ZNF10: variants seen among roughly 807,000 people sequenced by gnomAD.
ZNF10 encodes the protein zinc finger protein 10 (KOX 1).
ZNF10 carries 8 observed loss-of-function variants against 12.2 expected under a neutral mutation model. The observed-to-expected ratio is 0.66, with a 90% confidence interval of 0.39 to 1.18. The LOEUF is 1.18. ZNF10 is among the 50% of genes most tolerant of loss of function. The pLI, the probability that ZNF10 is intolerant of heterozygous loss-of-function variation, is 0.01. For missense variants in ZNF10, 603 were observed against 678.9 expected (o/e 0.89, Z 1.24); for synonymous variants, 229 against 228.2 (o/e 1.00, Z -0.03).
intron 1 of ZNF10, among the ~76,000 whole-genome samples, chr12:133,131,481 TAAAA>T (rs892558810): frequency 6.9e-6 from 1 of 144,014 alleles, no homozygotes; most frequent in Admixed American, 7.0e-5. Flanking sequence ...TACTGTTAAT[TAAAA>T]AAAAAAAAGT....
At chr12:133,151,511 G>A (rs1956007275) in intron 3 of ZNF10, among the ~76,000 whole-genome samples, 1 of 152,076 alleles carries the variant, frequency 6.6e-6, no homozygotes, top group South Asian at 2.1e-4. Flanking sequence ...GGGCGTGGTG[G>A]CGTGCTCCTA....
In ZNF10 at chr12:133,151,134, A is replaced by G. The variant is rs1311412106; in HGVS notation, c.140A>G (p.Tyr47Cys). The change falls in exon 3 of 5, where the codon TAT (tyrosine) becomes TGT (cysteine). Residue 47 changes from tyrosine (Y) to cysteine (C), a missense_variant. By Grantham distance (194) the Tyr-to-Cys change is radical. Coordinates refer to ENST00000248211, the MANE Select transcript of ZNF10 (RefSeq NM_015394.5). ...TACAGAAATGTGATGCTGGAGAACT[A>G]TAAGAACCTGGTTTCCTTGGGTAAG... Reference protein sequence around the residue: ...IVYRNVMLENYKNLVSLGYQL... With the variant: ...IVYRNVMLENCKNLVSLGYQL... 1.9e-6 allele frequency: 3 copies of G among 1,613,266 alleles called. No homozygotes were observed. The highest frequency in any genetic ancestry group is 1.7e-6 in the Non-Finnish European group (2 of 1,179,398).
At chr12:133,143,127 A>C (rs986926153) in intron 1 of ZNF10, among the ~76,000 whole-genome samples, 1 of 152,200 alleles carries the variant, frequency 6.6e-6, no homozygotes, top group African/African-American at 2.4e-5. Flanking sequence ...TACATGACCT[A>C]AGTAGAACAG....
chr12:133,132,639 G>A (rs1335212720), intron 1 of ZNF10, among the ~76,000 whole-genome samples: 1 of 152,092 alleles, frequency 6.6e-6, no homozygotes, highest in Non-Finnish European at 1.5e-5. Flanking sequence ...GTCAGCCAGG[G>A]CTTTTAATTC....
In ZNF10 at chr12:133,144,470, G is replaced by GTATC. The variant is rs1955964246; in HGVS notation, c.-22_-19dup. On this transcript the variant is annotated 5_prime_UTR_variant, in exon 2 of 5. Transcript: ENST00000248211. ...CAGCACTCTGCTGTCACTCAAGGAA[G>GTATC]TATCATCAAGAACAAGGAGGGCATG... is the stretch of plus-strand genomic sequence containing the variant. 6.2e-7 allele frequency: 1 copy of GTATC among 1,613,424 alleles called. No homozygotes were observed. Among genetic ancestry groups the GTATC allele is most frequent in the African/African-American group, 1.3e-5 (1 of 75,016 alleles).
intron 1 of ZNF10, among the ~76,000 whole-genome samples, chr12:133,132,762 A>G (rs879821486): frequency 2.0e-5 from 3 of 152,114 alleles, no homozygotes; most frequent in Non-Finnish European, 2.9e-5. Context: ...TCCTCTTTCC[A>G]CACAATATCT....
chr12:133,134,375 A>G lies in ZNF10; in HGVS notation c.-60+3621A>G, dbSNP rs1955899265. 2.0e-5 allele frequency among the ~76,000 whole-genome samples: 3 copies of G among 152,234 alleles called. 1 individual carries two copies. In the South Asian group the frequency reaches 6.2e-4, roughly 32 times the overall value. On this transcript the variant is annotated intron_variant, in intron 1 of 4. Coordinates refer to ENST00000248211, the MANE Select transcript of ZNF10 (RefSeq NM_015394.5). ...ATCAGGGAAATATAACCATGAAAGA[A>G]AGGCACAGAGAAATGTATCATTGCT... is the stretch of plus-strand genomic sequence containing the variant.
chr12:133,156,068 C>T lies in ZNF10; in HGVS notation c.822C>T (p.Phe274=). 6.2e-7 allele frequency: 1 copy of T among 1,613,370 alleles called. No individual in the cohort carries two copies. The highest frequency in any genetic ancestry group is 8.5e-7 in the Non-Finnish European group (1 of 1,179,936). Residue 274 remains phenylalanine (F), a synonymous_variant, in exon 5 of 5, where the codon TTC becomes TTT. Coordinates refer to ENST00000248211, the MANE Select transcript of ZNF10 (RefSeq NM_015394.5). ...PYECKECGKF[F]SWRSNLTRHQ... Reference sequence around the variant, plus strand: ...AATGTAAGGAATGTGGAAAATTCTTCAGCTGGCGCTCTAATCTTACTAGGC... The same window carrying T: ...AATGTAAGGAATGTGGAAAATTCTTTAGCTGGCGCTCTAATCTTACTAGGC...
At chr12:133,151,966 T>G in intron 4 of ZNF10, 62 bp downstream of exon 4, 1 of 1,359,030 alleles carries the variant, frequency 7.4e-7, no homozygotes, top group Admixed American at 1.7e-5. Flanking sequence ...GTGCCAGAAC[T>G]TCTAGAGATA....
At chr12:133,142,170 C>A (rs917245568) in intron 1 of ZNF10, among the ~76,000 whole-genome samples, 3 of 152,186 alleles carry the variant, frequency 2.0e-5, no homozygotes, top group Non-Finnish European at 1.5e-5. Context: ...CGCCTGTAAT[C>A]CCAGCACTTT....
intron 1 of ZNF10, among the ~76,000 whole-genome samples, chr12:133,135,169 T>G (rs1955903747): frequency 6.6e-6 from 1 of 152,174 alleles, no homozygotes; most frequent in African/African-American, 2.4e-5. Context: ...CTTTTGATCT[T>G]AGTGTGCGCA....
intron 1 of ZNF10, among the ~76,000 whole-genome samples, chr12:133,134,627 A>G (rs1207315396): frequency 6.6e-6 from 1 of 152,214 alleles, no homozygotes; most frequent in Non-Finnish European, 1.5e-5. Context: ...ATTGGCAGCA[A>G]TGGAAAACTA....
intron 1 of ZNF10, among the ~76,000 whole-genome samples, chr12:133,136,688 AG>A (rs1294221339): frequency 6.6e-6 from 1 of 152,216 alleles, no homozygotes; most frequent in African/African-American, 2.4e-5. Context: ...AATATGTCAC[AG>A]GGTTGTTGAT....
At chr12:133,135,227 A>G (rs1344932616) in intron 1 of ZNF10, among the ~76,000 whole-genome samples, 1 of 152,104 alleles carries the variant, frequency 6.6e-6, no homozygotes, top group Non-Finnish European at 1.5e-5. Flanking sequence ...TCTTACTGGG[A>G]AGATTATTGG....
chr12:133,139,402 A>G (rs1002665289), intron 1 of ZNF10, among the ~76,000 whole-genome samples: 1 of 152,242 alleles, frequency 6.6e-6, no homozygotes, highest in African/African-American at 2.4e-5. Context: ...AGGGAAATGT[A>G]TGGTAGTTTG....
rs1162667133 is a variant in ZNF10, at chr12:133,157,906, G to A, written c.*938G>A. The A allele has an allele frequency of 6.6e-6, 1 of 152,058 alleles. No individual in the cohort carries two copies. The highest frequency in any genetic ancestry group is 1.5e-5 in the Non-Finnish European group (1 of 68,026). 9.4% of individuals were successfully genotyped at this position (152,058 alleles called of 1,614,324 possible). A position where few individuals can be genotyped will look rare whatever the true frequency, so the allele number is the denominator to read the frequency against. ...TTGGGCATTTGAACATATCAGGGAG[G>A]GTCCCCATTTTAGTGGGAACAAGTA... On this transcript the variant is annotated 3_prime_UTR_variant, in exon 5 of 5. Transcript: ENST00000248211.
At chr12:133,142,621 G>A (rs1187605093) in intron 1 of ZNF10, among the ~76,000 whole-genome samples, 1 of 152,000 alleles carries the variant, frequency 6.6e-6, no homozygotes, top group African/African-American at 2.4e-5. Context: ...ACTCGTTAGG[G>A]AAATGTAAAA....
At chr12:133,152,003 C>G (rs1426236074) in intron 4 of ZNF10, 99 bp downstream of exon 4, 6 of 865,612 alleles carry the variant, frequency 6.9e-6, no homozygotes, top group Non-Finnish European at 9.1e-6. Context: ...CTCACAGGCC[C>G]TTCTTCCTGG....
intron 3 of ZNF10, 81 bp downstream of exon 3, chr12:133,151,235 G>C: frequency 4.3e-6 from 6 of 1,389,316 alleles, no homozygotes; most frequent in Non-Finnish European, 5.8e-6. Flanking sequence ...TATCACACCA[G>C]AGTATAGGCT....
Sources: gnomAD v4.1 joint callset for allele counts (sites outside exome capture counted in the v4.1 genomes callset) on GRCh38, gnomAD v4.1.1 for gene constraint, MANE v1.5 for transcripts, NCBI Gene and HGNC (gene_info 2026-07-23, HGNC 2026-07-21) for gene names.